LMAN1L: variants seen among roughly 807,000 people sequenced by gnomAD.
LMAN1L encodes lectin, mannose binding 1 like.
A neutral mutation model predicts 58.3 loss-of-function variants in LMAN1L; 60 were observed. The ratio of observed to expected loss-of-function variants is 1.03; its 90% CI spans 0.84 to 1.27. LMAN1L has a LOEUF of 1.27. Among genes scored for constraint, LMAN1L ranks in the 50% most tolerant of loss-of-function variants. The pLI is 0.00. For missense variants in LMAN1L, 629 were observed against 674.0 expected, an observed-to-expected ratio of 0.93 and a Z score of 0.74; for synonymous variants, 280 against 271.6, an observed-to-expected ratio of 1.03 and a Z score of -0.31.
At chr15:74,815,660 G>T (rs2063887263) in intron 1 of LMAN1L, among the ~76,000 whole-genome samples, 1 of 152,134 alleles carries the variant, frequency 6.6e-6, no homozygotes, top group Non-Finnish European at 1.5e-5. Context: ...CTAGAGTCTT[G>T]GGCCTTCTTG....
chr15:74,824,918 G>A (rs1181318088), intron 13 of LMAN1L: 1 of 160,240 alleles, frequency 6.2e-6, no homozygotes. Context: ...AAGGCAGGGA[G>A]GCATGAGAAA....
intron 6 of LMAN1L, chr15:74,819,592 T>G (rs1023036906): frequency 3.2e-5 from 16 of 497,090 alleles, no homozygotes; most frequent in African/African-American, 2.7e-4. Context: ...CCACGGAGGG[T>G]CCCACAGCGG....
chr15:74,814,378 GTT>G (rs569247875), intron 1 of LMAN1L, among the ~76,000 whole-genome samples: 3 of 110,532 alleles, frequency 2.7e-5, no homozygotes, highest in Non-Finnish European at 3.7e-5. Context: ...TTTTGTTTTT[GTT>G]TTTTTTTTTT....
Position 74,816,622 on chromosome 15 carries a change from C to G in LMAN1L, c.439-10C>G. 1 of 1,612,490 alleles carries G rather than the reference C, an allele frequency of 6.2e-7. No individual in the cohort carries two copies. Among genetic ancestry groups the G allele is most frequent in the African/African-American group, 1.3e-5 (1 of 74,998 alleles). On this transcript the variant is annotated splice_polypyrimidine_tract_variant and intron_variant, in intron 3 of 13. Transcript: ENST00000309664. ...GTCCGCGGCTCAGGCTGCTTCTCAC[C>G]TCCCTGCAGGACAGTCCTGCCATCC...
At chr15:74,814,779 G>GA (rs1288089867) in intron 1 of LMAN1L, among the ~76,000 whole-genome samples, 1 of 152,196 alleles carries the variant, frequency 6.6e-6, no homozygotes, top group Non-Finnish European at 1.5e-5. Flanking sequence ...AAAGTGCTGG[G>GA]ATTATAGGCA....
chr15:74,820,338 G>A, intron 7 of LMAN1L: 1 of 613,396 alleles, frequency 1.6e-6, no homozygotes. Flanking sequence ...GGTCTCAAAA[G>A]GTGCAGGGGG....
At chr15:74,820,383 AG>A in intron 7 of LMAN1L, 1 of 623,298 alleles carries the variant, frequency 1.6e-6, no homozygotes, top group Non-Finnish European at 2.8e-6. Flanking sequence ...CCAACCAGCC[AG>A]GGGGTCAAGG....
chr15:74,818,820 G>A lies in LMAN1L; in HGVS notation c.597+3G>A. 6.2e-7 allele frequency: 1 copy of A among 1,604,530 alleles called. No homozygotes were observed. The highest frequency in any genetic ancestry group is 1.7e-5 in the Admixed American group (1 of 58,624). On this transcript the variant is annotated splice_donor_region_variant and intron_variant, in intron 5 of 13. Transcript: ENST00000309664. ...CCTACTGGGGGCAGAGGCTGCGCGT[G>A]AGTCACCCTTCCTGCTTCTGACAGG...
intron 9 of LMAN1L, 132 bp from the exon 10 acceptor site, chr15:74,821,697 G>A (rs2063917554): frequency 3.1e-6 from 2 of 654,136 alleles, no homozygotes; most frequent in Non-Finnish European, 5.4e-6. Flanking sequence ...AGCAGCTCTT[G>A]TGGGCTTTGC....
rs2063889467 is a variant in LMAN1L at position 74,816,237 on chromosome 15, G to A, written c.256G>A (p.Val86Ile). The A allele has an allele frequency of 6.3e-7, 1 of 1,599,870 alleles. No homozygotes were observed. The highest frequency in any genetic ancestry group is 1.3e-5 in the African/African-American group (1 of 74,772). Reference sequence around the variant, plus strand: ...TGGCGCCGTGTGGAGCAGGGCCTCTGTCCCCTTCTCTGCCTGGGAAGTAGA... The same window carrying A: ...TGGCGCCGTGTGGAGCAGGGCCTCTATCCCCTTCTCTGCCTGGGAAGTAGA... ...RSGAVWSRAS[V>I]PFSAWEVEVQ... The change falls in exon 2 of 14, where the codon GTC (valine) becomes ATC (isoleucine). Residue 86 changes from valine (V) to isoleucine (I), a missense_variant. Physicochemically the swap from Val to Ile is conservative, Grantham distance 29 (BLOSUM62 3). Transcript: ENST00000309664.
intron 13 of LMAN1L, 180 bp from the exon 14 acceptor site, chr15:74,825,296 C>T (rs942241924): frequency 3.1e-6 from 2 of 638,500 alleles, no homozygotes; most frequent in Admixed American, 2.4e-5. Context: ...TAGGACAGAC[C>T]TTACATGCCC....
At chr15:74,823,720 C>G (rs2063928351) in intron 12 of LMAN1L, 38 bp downstream of exon 12, 2 of 1,602,046 alleles carry the variant, frequency 1.2e-6, no homozygotes, top group Non-Finnish European at 1.7e-6. Context: ...GGTCCCCAAC[C>G]TTGACGTCTG....
Position 74,820,071 on chromosome 15 carries a change from C to A in LMAN1L, c.746C>A (p.Thr249Asn). The stretch of plus-strand genomic sequence containing the variant: ...GATCATGATGTCCTGTCCTTCCTGA[C>A]CTTCAGCCTGAGTGAGCCCAGCCCA... ...ADDHDVLSFL[T>N]FSLSEPSPEV... Residue 249 changes from threonine (T) to asparagine (N), a missense_variant, in exon 7 of 14, where the codon ACC (threonine) becomes AAC (asparagine). Thr to Asn is a moderately conservative substitution (Grantham distance 65). Transcript: ENST00000309664. 2 of 1,614,158 alleles carry A rather than the reference C, an allele frequency of 1.2e-6. No individual in the cohort carries two copies. The highest frequency in any genetic ancestry group is 2.2e-5 in the East Asian group (1 of 44,872).
chr15:74,820,261 G>A lies in LMAN1L; in HGVS notation c.774+162G>A, dbSNP rs570817246. The A allele has an allele frequency of 8.6e-5, 59 of 685,076 alleles. 1 individual carries two copies. Among genetic ancestry groups the A allele is most frequent in the Non-Finnish European group, 1.1e-4 (43 of 391,392 alleles). 42.4% of individuals were successfully genotyped at this position (685,076 alleles called of 1,614,324 possible). On this transcript the variant is annotated intron_variant, in intron 7 of 13. Transcript: ENST00000309664. The stretch of plus-strand genomic sequence containing the variant: ...CAGGGCAGTGCTGCGGGCCAGGGCC[G>A]GTGTGTGAGGTCTCGCAGGCTGGCT...
At chr15:74,823,067 C>A (rs1349328965) in intron 11 of LMAN1L, among the ~76,000 whole-genome samples, 1 of 152,136 alleles carries the variant, frequency 6.6e-6, no homozygotes, top group Non-Finnish European at 1.5e-5. Flanking sequence ...AAGATCAGAC[C>A]AGTTGGATGA....
At chr15:74,818,893 C>T (rs1326164687) in intron 5 of LMAN1L, 76 bp downstream of exon 5, 4 of 1,317,768 alleles carry the variant, frequency 3.0e-6, no homozygotes, top group Middle Eastern at 3.6e-4. Flanking sequence ...GGCCCCAACA[C>T]ACCAGTGCCT....
In LMAN1L at chr15:74,825,488, CA is replaced by C; in HGVS notation, c.1466del (p.Lys489ArgfsTer27). On this transcript the variant is annotated frameshift_variant, in exon 14 of 14. Transcript: ENST00000309664. LOFTEE classifies it low-confidence loss of function (END_TRUNC). ...GYVHFRQELN[K>X]SLQECLSTGS... Reference sequence around the variant, plus strand: ...TCTCTGGCAGCAGGCAGGAGCTGAACAAGAGCCTTCAGGAGTGTCTGTCCAC... The same window carrying C: ...TCTCTGGCAGCAGGCAGGAGCTGAACAGAGCCTTCAGGAGTGTCTGTCCAC... 6.2e-7 allele frequency: 1 copy of C among 1,612,336 alleles called. No individual in the cohort carries two copies. The highest frequency in any genetic ancestry group is 8.5e-7 in the Non-Finnish European group (1 of 1,178,612).
At position 74,824,368 on chromosome 15, in the gene LMAN1L, C is replaced by A. The variant is rs760941400; in HGVS notation, c.1341C>A (p.Ala447=). The A allele has an allele frequency of 6.8e-6, 11 of 1,613,910 alleles. No individual in the cohort carries two copies. The East Asian group carries it at 1.8e-4, about 26-fold the overall frequency. The change falls in exon 13 of 14, where the codon GCC becomes GCA. Residue 447 remains alanine, a synonymous_variant. Transcript: ENST00000309664. ...CCTTTCAGAAGGCAGCAGCCAAGGC[C>A]CCCCGCCCACCTGGCCAGCCCCCAA... The part of the protein sequence containing the change: ...LRGPAKAAAK[A]PRPPGQPPRA...
At chr15:74,821,586 A>T (rs1467965876) in intron 9 of LMAN1L, among the ~76,000 whole-genome samples, 3 of 152,236 alleles carry the variant, frequency 2.0e-5, no homozygotes, top group Non-Finnish European at 4.4e-5. Context: ...CTCCATTGCC[A>T]TCTGGCTCCT....
Sources: allele counts gnomAD v4.1 joint callset (sites outside exome capture counted in the v4.1 genomes callset), GRCh38; gene constraint gnomAD v4.1.1; transcripts MANE v1.5; gene names NCBI Gene and HGNC (gene_info 2026-07-23, HGNC 2026-07-21).